The following DCP2 variants were observed in gnomAD, a reference collection of about 807,000 sequenced individuals.
DCP2 encodes the protein decapping mRNA 2.
A neutral mutation model predicts 56.1 loss-of-function variants in DCP2; 30 were observed. The ratio of observed to expected loss-of-function variants is 0.53; its 90% CI spans 0.40 to 0.73. The LOEUF is 0.73. DCP2 is among the 30% of genes least tolerant of loss of function. The probability of loss-of-function intolerance (pLI) is 0.00; values close to 1 mark genes in which losing one functional copy is unlikely to be tolerated. For missense variants in DCP2, 533 were observed against 502.7 expected (o/e 1.06, Z -0.58); for synonymous variants, 197 against 163.3 (o/e 1.21, Z -1.57).
At chr5:112,981,681 A>G (rs1401252983) in intron 1 of DCP2, among the ~76,000 whole-genome samples, 1 of 152,206 alleles carries the variant, frequency 6.6e-6, no homozygotes, top group East Asian at 1.9e-4. Flanking sequence ...CTTATATCCT[A>G]CAAATTGGTC....
intron 9 of DCP2, among the ~76,000 whole-genome samples, chr5:113,010,073 C>G (rs971036430): frequency 6.7e-6 from 1 of 149,648 alleles, no homozygotes; most frequent in African/African-American, 2.5e-5. Flanking sequence ...TGCTCTGTCA[C>G]CCAGGCTGAA....
chr5:113,010,167 G>A (rs958987591), intron 9 of DCP2, among the ~76,000 whole-genome samples: 1 of 151,208 alleles, frequency 6.6e-6, no homozygotes, highest in Non-Finnish European at 1.5e-5. Context: ...AGAGTAGCTG[G>A]GACTATAGGT....
intron 3 of DCP2, 65 bp downstream of exon 3, chr5:112,992,313 TA>T (rs1262097917): frequency 2.6e-6 from 4 of 1,558,084 alleles, no homozygotes; most frequent in Non-Finnish European, 3.5e-6. Context: ...CAAAATTTGT[TA>T]TTGATGTAGT....
At chr5:112,992,874 C>T (rs1424120465) in intron 4 of DCP2, 104 bp downstream of exon 4, 17 of 729,300 alleles carry the variant, frequency 2.3e-5, no homozygotes, top group Non-Finnish European at 2.6e-5. Context: ...TAACCCTTTC[C>T]AGAACTTGAG....
intron 1 of DCP2, among the ~76,000 whole-genome samples, chr5:112,979,874 T>A (rs1747914617): frequency 6.6e-6 from 1 of 152,194 alleles, no homozygotes; most frequent in South Asian, 2.1e-4. Flanking sequence ...TTGGTGCCTT[T>A]TGTGAAAACA....
chr5:113,007,319 A>G (rs1184573685), intron 8 of DCP2, among the ~76,000 whole-genome samples: 2 of 151,942 alleles, frequency 1.3e-5, no homozygotes, highest in Non-Finnish European at 2.9e-5. Flanking sequence ...GGTTCCATTT[A>G]TGCATTAGAA....
At chr5:112,984,700 AAAAATATAT>A (rs1181113570) in intron 1 of DCP2, 2 of 107,996 alleles carry the variant, frequency 1.9e-5, no homozygotes, top group South Asian at 2.8e-4. Context: ...AAAAAAAAAA[AAAAATATAT>A]ATATATATAT....
chr5:112,977,447 C>G (rs936241926), intron 1 of DCP2, among the ~76,000 whole-genome samples: 1 of 152,158 alleles, frequency 6.6e-6, no homozygotes, highest in Non-Finnish European at 1.5e-5. Context: ...GGTACGCGGA[C>G]CTGCGCAAGG....
At chr5:113,009,916 T>C (rs1368113313) in intron 9 of DCP2, among the ~76,000 whole-genome samples, 1 of 145,948 alleles carries the variant, frequency 6.9e-6, no homozygotes, top group Non-Finnish European at 1.5e-5. Flanking sequence ...ATAATCTTTT[T>C]TTTCCTTTTT....
At position 113,018,979 on chromosome 5, in the gene DCP2, AAC is replaced by A. The variant is rs1561713159; in HGVS notation, c.*5497_*5498del. The A allele has an allele frequency of 6.6e-6, 1 of 152,216 alleles. No individual in the cohort carries two copies. Among genetic ancestry groups the A allele is most frequent in the Non-Finnish European group, 1.5e-5 (1 of 68,048 alleles). 9.4% of individuals were successfully genotyped at this position (152,216 alleles called of 1,614,324 possible). A position where few individuals can be genotyped will look rare whatever the true frequency, so the allele number is the denominator to read the frequency against. On this transcript the variant is annotated 3_prime_UTR_variant, in exon 11 of 11. Coordinates refer to ENST00000389063, the MANE Select transcript of DCP2 (RefSeq NM_152624.6). ...ATAGCTTTCACATTGGCTTGGGAAC[AAC>A]AGACTTGTGTGTGGTTCTAGAGTGA...
intron 2 of DCP2, among the ~76,000 whole-genome samples, chr5:112,986,293 A>T (rs1748283858): frequency 6.6e-6 from 1 of 151,362 alleles, no homozygotes; most frequent in Non-Finnish European, 1.5e-5. Flanking sequence ...TAACCAGATG[A>T]TCTTTTAATC....
intron 1 of DCP2, among the ~76,000 whole-genome samples, chr5:112,978,722 T>A (rs1028797035): frequency 6.6e-6 from 1 of 151,956 alleles, no homozygotes; most frequent in African/African-American, 2.4e-5. Flanking sequence ...ATTTGATATG[T>A]GTATGTGGGT....
At chr5:113,001,312 C>T (rs1387088342) in intron 5 of DCP2, 45 bp from the exon 6 acceptor site, 3 of 1,596,038 alleles carry the variant, frequency 1.9e-6, no homozygotes, top group African/African-American at 2.7e-5. Context: ...TTATAAGCTC[C>T]TTGATAAAAA....
At chr5:112,978,613 G>C (rs912066358) in intron 1 of DCP2, among the ~76,000 whole-genome samples, 12 of 151,434 alleles carry the variant, frequency 7.9e-5, no homozygotes, top group Admixed American at 5.3e-4. Flanking sequence ...GGTGATGGTA[G>C]ATTTATAATT....
At chr5:113,013,102 A>C (rs954560764) in intron 10 of DCP2, among the ~76,000 whole-genome samples, 25 of 152,238 alleles carry the variant, frequency 1.6e-4, no homozygotes, top group Non-Finnish European at 5.9e-5. Context: ...GGCTGAGATT[A>C]AGATTTTGAA....
At chr5:112,978,678 C>T (rs548036629) in intron 1 of DCP2, among the ~76,000 whole-genome samples, 75 of 137,726 alleles carry the variant, frequency 5.4e-4, no homozygotes, top group African/African-American at 1.7e-3. Flanking sequence ...GTTTCTTGTC[C>T]CAAATAAAAA....
At position 113,001,640 on chromosome 5, in the gene DCP2, A is replaced by G; in HGVS notation, c.772A>G (p.Ser258Gly). The G allele has an allele frequency of 6.2e-7, 1 of 1,614,192 alleles. No homozygotes were observed. The highest frequency in any genetic ancestry group is 2.2e-5 in the East Asian group (1 of 44,878). The change falls in exon 7 of 11, where the codon AGC becomes GGC. Residue 258 changes from serine (S) to glycine (G), a missense_variant. Physicochemically the swap from Ser to Gly is moderately conservative, Grantham distance 56 (BLOSUM62 0). Around this residue, in one of 3 missense-constraint regions of DCP2, gnomAD observed 392 missense variants for 346.6 expected, o/e 1.13. Transcript: ENST00000389063. Reference sequence around the variant, plus strand: ...TGACAATGGATTTTCCTCAACTGGTAGCACGCCGGCTAAACCCACTGTGGA... The same window carrying G: ...TGACAATGGATTTTCCTCAACTGGTGGCACGCCGGCTAAACCCACTGTGGA... Reference protein sequence around the residue: ...DSDNGFSSTGSTPAKPTVEKL... With the variant: ...DSDNGFSSTGGTPAKPTVEKL...
chr5:113,013,112 A>C (rs1378663396), intron 10 of DCP2, among the ~76,000 whole-genome samples: 2 of 152,226 alleles, frequency 1.3e-5, no homozygotes, highest in Non-Finnish European at 2.9e-5. Context: ...AAGATTTTGA[A>C]TATGTGGAAA....
Position 112,995,782 on chromosome 5 carries a change from A to G in DCP2, c.432+3012A>G, listed in dbSNP as rs142321860. Among the ~76,000 whole-genome samples the G allele has an allele frequency of 3.6e-3, 552 of 152,334 alleles. 7 individuals carry two copies. The highest frequency in any genetic ancestry group is 0.012 in the African/African-American group (496 of 41,584). ...GACCGACTTTGTCGTAAAGTTTGGG[A>G]TTAGGGTGAAGTGTTGCTGTTTTAG... On this transcript the variant is annotated intron_variant, in intron 4 of 10. Transcript: ENST00000389063.
Sources: allele counts gnomAD v4.1 joint callset (sites outside exome capture counted in the v4.1 genomes callset), GRCh38; gene constraint gnomAD v4.1.1; regional missense constraint gnomAD v4.1.1; transcripts MANE v1.5; gene names NCBI Gene and HGNC (gene_info 2026-07-23, HGNC 2026-07-21).